Variants in ARSB observed in about 807,000 individuals in gnomAD.
ARSB encodes arylsulfatase B, also known as N-acetylgalactosamine-4-sulfatase.
ARSB carries 41 observed loss-of-function variants against 50.9 expected under a neutral mutation model. That is an observed-to-expected ratio of 0.81 (90% CI 0.63 to 1.04). The LOEUF (loss-of-function observed/expected upper bound fraction) is 1.04. ARSB is among the 50% of genes least tolerant of loss of function. The pLI, the probability that ARSB is intolerant of heterozygous loss-of-function variation, is 0.00. For synonymous variants in ARSB, 269 were observed against 284.8 expected (o/e 0.94, Z 0.56); for missense variants, 672 against 693.3 (o/e 0.97, Z 0.35).
At chr5:78,923,506 A>T (rs1054273098) in intron 4 of ARSB, among the ~76,000 whole-genome samples, 7 of 152,256 alleles carry the variant, frequency 4.6e-5, no homozygotes, top group African/African-American at 1.7e-4. Context: ...TACAAGAGAC[A>T]CTGTCTTAGT....
At chr5:78,983,502 C>G (rs1753010051) in intron 1 of ARSB, among the ~76,000 whole-genome samples, 1 of 152,152 alleles carries the variant, frequency 6.6e-6, no homozygotes. Flanking sequence ...TTGGGCAAAC[C>G]TCACCTTTCC....
At chr5:78,943,050 C>T (rs1206160596) in intron 4 of ARSB, among the ~76,000 whole-genome samples, 1 of 152,086 alleles carries the variant, frequency 6.6e-6, no homozygotes, top group Non-Finnish European at 1.5e-5. Context: ...TTCTTTGTCT[C>T]CTTTGATCTT....
chr5:78,840,857 G>A (rs1463061219), intron 5 of ARSB, among the ~76,000 whole-genome samples: 2 of 152,062 alleles, frequency 1.3e-5, no homozygotes, highest in Admixed American at 1.3e-4. Flanking sequence ...GAATATCCTG[G>A]AGACTATCAA....
intron 6 of ARSB, among the ~76,000 whole-genome samples, chr5:78,812,605 AC>A (rs1743850669): frequency 6.7e-6 from 1 of 149,140 alleles, no homozygotes; most frequent in Admixed American, 6.7e-5. Flanking sequence ...ACACACACAC[AC>A]ACACACACAC....
intron 4 of ARSB, among the ~76,000 whole-genome samples, chr5:78,914,531 G>T (rs1052523147): frequency 6.6e-6 from 1 of 152,064 alleles, no homozygotes; most frequent in Non-Finnish European, 1.5e-5. Flanking sequence ...CAATATAAAA[G>T]AAAACAAGCC....
chr5:78,872,314 G>T (rs1428112681), intron 5 of ARSB, among the ~76,000 whole-genome samples: 1 of 151,264 alleles, frequency 6.6e-6, no homozygotes, highest in Non-Finnish European at 1.5e-5. Context: ...TCCCATTACT[G>T]GGCATATACC....
At chr5:78,968,813 G>A (rs1752321413) in intron 2 of ARSB, among the ~76,000 whole-genome samples, 193 bp downstream of exon 2, 1 of 152,194 alleles carries the variant, frequency 6.6e-6, no homozygotes, top group Non-Finnish European at 1.5e-5. Context: ...CAAAGGTAAT[G>A]GGTTTGCCCA....
At chr5:78,793,494 C>T (rs139038080) in intron 6 of ARSB, among the ~76,000 whole-genome samples, 108 of 152,212 alleles carry the variant, frequency 7.1e-4, no homozygotes, top group East Asian at 9.6e-4. Context: ...CATGGATGTA[C>T]GCAGTTGGTC....
At chr5:78,946,375 CTG>C (rs1751230954) in intron 4 of ARSB, among the ~76,000 whole-genome samples, 1 of 152,126 alleles carries the variant, frequency 6.6e-6, no homozygotes, top group African/African-American at 2.4e-5. Flanking sequence ...ACTATTAGGA[CTG>C]ATAAGCAAAT....
chr5:78,816,141 T>A (rs1229271209), intron 6 of ARSB: 1 of 1,614,034 alleles, frequency 6.2e-7, no homozygotes, highest in Non-Finnish European at 8.5e-7. Context: ...ATGACTTTCC[T>A]GAAGATATAC....
chr5:78,911,546 C>A, intron 4 of ARSB, among the ~76,000 whole-genome samples: 1 of 127,778 alleles, frequency 7.8e-6, no homozygotes, highest in African/African-American at 3.1e-5. Flanking sequence ...TGCACTCCAG[C>A]CTGGGGAACA....
chr5:78,965,778 G>C (rs1345059547), intron 2 of ARSB, among the ~76,000 whole-genome samples: 1 of 152,094 alleles, frequency 6.6e-6, no homozygotes, highest in Admixed American at 6.6e-5. Context: ...TGAAAATTAA[G>C]AGCTTTACAT....
intron 6 of ARSB, among the ~76,000 whole-genome samples, chr5:78,838,396 G>A (rs565295017): frequency 1.3e-5 from 2 of 152,360 alleles, no homozygotes; most frequent in South Asian, 4.1e-4. Flanking sequence ...AGGAGTGCCT[G>A]GAGTGAGGCT....
At chr5:78,910,810 G>T (rs1253083359) in intron 4 of ARSB, among the ~76,000 whole-genome samples, 1 of 152,202 alleles carries the variant, frequency 6.6e-6, no homozygotes, top group Non-Finnish European at 1.5e-5. Flanking sequence ...TAGAAGTCTT[G>T]TGAAAACAGA....
At chr5:78,841,962 C>T (rs1745235309) in intron 5 of ARSB, among the ~76,000 whole-genome samples, 1 of 152,086 alleles carries the variant, frequency 6.6e-6, no homozygotes, top group Admixed American at 6.5e-5. Flanking sequence ...CAAGAAAACA[C>T]AATATATGAC....
At chr5:78,875,855 GC>G (rs1201939885) in intron 5 of ARSB, among the ~76,000 whole-genome samples, 1 of 151,732 alleles carries the variant, frequency 6.6e-6, no homozygotes, top group African/African-American at 2.4e-5. Flanking sequence ...TTTGGTAGAG[GC>G]AGGGTTTCAC....
intron 6 of ARSB, among the ~76,000 whole-genome samples, chr5:78,808,066 C>A (rs1238949897): frequency 7.6e-6 from 1 of 130,768 alleles, no homozygotes; most frequent in Non-Finnish European, 1.6e-5. Flanking sequence ...GCACTCCAGC[C>A]TGGGCGACAG....
At chr5:78,844,206 T>G (rs2112008458) in intron 5 of ARSB, among the ~76,000 whole-genome samples, 1 of 152,314 alleles carries the variant, frequency 6.6e-6, no homozygotes, top group Non-Finnish European at 1.5e-5. Context: ...TTGACAACAC[T>G]TATTAATGTG....
intron 4 of ARSB, among the ~76,000 whole-genome samples, chr5:78,918,751 C>G (rs914517140): frequency 6.6e-6 from 1 of 152,198 alleles, no homozygotes; most frequent in Non-Finnish European, 1.5e-5. Context: ...ATCAAAAGGT[C>G]ACTACCAAAT....
Sources: gnomAD v4.1 joint callset for allele counts (sites outside exome capture counted in the v4.1 genomes callset) on GRCh38, gnomAD v4.1.1 for gene constraint, MANE v1.5 for transcripts, NCBI Gene and HGNC (gene_info 2026-07-23, HGNC 2026-07-21) for gene names.